The following GRAMD1B variants were observed in gnomAD, a reference collection of about 807,000 sequenced individuals.
The protein encoded by GRAMD1B is protein Aster-B.
In GRAMD1B, 37 loss-of-function variants were observed where a neutral mutation model predicts 99.7. The ratio of observed to expected loss-of-function variants is 0.37; its 90% CI spans 0.29 to 0.49. The LOEUF is 0.49. GRAMD1B is among the 20% of genes least tolerant of loss of function. The pLI, the probability that GRAMD1B is intolerant of heterozygous loss-of-function variation, is 0.98. For missense variants in GRAMD1B, 888 were observed against 1,009.2 expected (o/e 0.88, Z 1.63); for synonymous variants, 427 against 387.6 (o/e 1.10, Z -1.19).
At position 123,520,650 on chromosome 11, in the gene GRAMD1B, G is replaced by A. The variant is rs191405067; in HGVS notation, c.452+39757G>A. On this transcript the variant is annotated intron_variant, in intron 2 of 19. Transcript: ENST00000635736. ...ATAAATTAGCTGGGCATGGTGGTGC[G>A]TGTCTGCAATCCCAGCTATTCAGGA... Among the ~76,000 whole-genome samples the A allele has an allele frequency of 1.4e-4, 21 of 151,240 alleles. No homozygotes were observed. In the Middle Eastern group the frequency reaches 0.01, roughly 74 times the overall value.
At chr11:123,618,940 C>T in intron 18 of GRAMD1B, 140 bp downstream of exon 18, 1 of 704,556 alleles carries the variant, frequency 1.4e-6, no homozygotes, top group South Asian at 1.7e-5. Flanking sequence ...AGAATCTCTC[C>T]CTATAGTTTC....
intron 1 of GRAMD1B, among the ~76,000 whole-genome samples, chr11:123,450,228 G>C (rs1176716334): frequency 1.3e-5 from 2 of 152,160 alleles, no homozygotes; most frequent in Admixed American, 6.5e-5. Context: ...ACCCATAACA[G>C]TTTTGAAGAG....
At chr11:123,596,796 G>C (rs776646016) in intron 7 of GRAMD1B, among the ~76,000 whole-genome samples, 1 of 152,136 alleles carries the variant, frequency 6.6e-6, no homozygotes, top group Non-Finnish European at 1.5e-5. Flanking sequence ...TGGGGCCTCT[G>C]GGGGATCCTG....
At chr11:123,408,822 T>C (rs1947943227) in intron 1 of GRAMD1B, among the ~76,000 whole-genome samples, 1 of 152,258 alleles carries the variant, frequency 6.6e-6, no homozygotes, top group Non-Finnish European at 1.5e-5. Context: ...CTCCTAACGC[T>C]GATGCTGACC....
intron 2 of GRAMD1B, among the ~76,000 whole-genome samples, chr11:123,558,592 T>C (rs1401724404): frequency 6.6e-6 from 1 of 152,210 alleles, no homozygotes; most frequent in Non-Finnish European, 1.5e-5. Flanking sequence ...CAACAAGCAA[T>C]GCAACTCAGT....
chr11:123,576,066 G>A (rs773197192), intron 2 of GRAMD1B, among the ~76,000 whole-genome samples: 1 of 151,846 alleles, frequency 6.6e-6, no homozygotes, highest in Admixed American at 6.6e-5. Flanking sequence ...GCCCACACTC[G>A]CTGGTTTAGG....
chr11:123,554,607 G>C (rs1326504184), intron 2 of GRAMD1B, among the ~76,000 whole-genome samples: 1 of 152,052 alleles, frequency 6.6e-6, no homozygotes, highest in East Asian at 1.9e-4. Flanking sequence ...CTATTCCGGA[G>C]GCTGAGGTGG....
chr11:123,604,395 G>A (rs1952418133), intron 9 of GRAMD1B, among the ~76,000 whole-genome samples: 1 of 152,184 alleles, frequency 6.6e-6, no homozygotes, highest in Non-Finnish European at 1.5e-5. Flanking sequence ...TTCCTATCCT[G>A]GCAGCCACGG....
chr11:123,622,624 G>T lies in GRAMD1B; in HGVS notation c.*29G>T. On this transcript the variant is annotated 3_prime_UTR_variant, in exon 20 of 20. Coordinates refer to ENST00000635736, the MANE Select transcript of GRAMD1B (RefSeq NM_001387025.1). ...GGCAGGAACAGGGTGGCTGCAAGAGGCCTGTGCAATACATGTACATAGACC... is the reference window on the plus strand; with the variant it reads ...GGCAGGAACAGGGTGGCTGCAAGAGTCCTGTGCAATACATGTACATAGACC... 1.9e-6 allele frequency: 2 copies of T among 1,051,886 alleles called. No homozygotes were observed. The allele number at this position is 1,051,886 out of a possible 1,614,324, so 65.2% of individuals were successfully genotyped here. A position where few individuals can be genotyped will look rare whatever the true frequency, so the allele number is the denominator to read the frequency against.
chr11:123,403,287 C>T lies in GRAMD1B; in HGVS notation c.-176+44488C>T, dbSNP rs528985031. Among the ~76,000 whole-genome samples, 37 of 151,588 alleles carry T rather than the reference C, an allele frequency of 2.4e-4. 1 individual carries two copies. The South Asian group carries it at 7.8e-3, about 32-fold the overall frequency. On this transcript the variant is annotated intron_variant, in intron 1 of 20. Coordinates refer to the GRAMD1B transcript ENST00000638157. ...TAAAATTACAAAAAAATTAGCCAGG[C>T]GTGATGGTGCATGCCTGTAGTCCCA...
chr11:123,582,751 G>A (rs1013196541), intron 3 of GRAMD1B, among the ~76,000 whole-genome samples: 2 of 151,764 alleles, frequency 1.3e-5, no homozygotes, highest in African/African-American at 4.8e-5. Flanking sequence ...GGTCATCACC[G>A]CGGGCACACA....
chr11:123,511,768 G>C (rs1941048644), intron 2 of GRAMD1B, among the ~76,000 whole-genome samples: 1 of 152,150 alleles, frequency 6.6e-6, no homozygotes. Context: ...AGGCCCAAGC[G>C]GCAAGTCTGC....
At chr11:123,424,458 C>T (rs1467338677) in intron 1 of GRAMD1B, among the ~76,000 whole-genome samples, 1 of 152,046 alleles carries the variant, frequency 6.6e-6, no homozygotes, top group Non-Finnish European at 1.5e-5. Context: ...ATAGCAAGAC[C>T]CTGTCTCTAA....
chr11:123,460,309 T>C (rs1950350005), intron 1 of GRAMD1B: 1 of 152,144 alleles, frequency 6.6e-6, no homozygotes, highest in Non-Finnish European at 1.5e-5. Context: ...TGAATTATAG[T>C]AGATGAATAT....
rs1053659685 is a variant in GRAMD1B, at chr11:123,598,156, T to C, written c.969+2119T>C. On this transcript the variant is annotated intron_variant, in intron 7 of 19. Transcript: ENST00000635736. ...TGCCCAAACACCTCATGCCATGCCA[T>C]GAGCATGATGCCATTCAGCAAAGTG... The C allele has an allele frequency of 6.4e-6, 10 of 1,553,914 alleles. No individual in the cohort carries two copies. In the African/African-American group the frequency reaches 9.5e-5, roughly 15 times the overall value.
chr11:123,374,852 C>T (rs911794461), intron 1 of GRAMD1B, among the ~76,000 whole-genome samples: 1 of 152,154 alleles, frequency 6.6e-6, no homozygotes, highest in Non-Finnish European at 1.5e-5. Flanking sequence ...TGGCGTCTGT[C>T]TTCCCCAATG....
Position 123,606,795 on chromosome 11 carries a change from G to A in GRAMD1B, c.1510G>A (p.Glu504Lys). ...CAGTGACTCTTCCGACACACACGAT[G>A]AAGGTGGGCATTTGAAAATGGGTCT... is the stretch of plus-strand genomic sequence containing the variant. ...ELSDSSDTHD[E>K]GEVQAFYEDL... The change falls in exon 11 of 20, where the codon GAA (glutamate) becomes AAA (lysine). Residue 504 changes from glutamate (E) to lysine (K), a missense_variant. Glu to Lys is a moderately conservative substitution (Grantham distance 56). Coordinates refer to ENST00000635736, the MANE Select transcript of GRAMD1B (RefSeq NM_001387025.1). The A allele has an allele frequency of 6.2e-7, 1 of 1,613,290 alleles. No individual in the cohort carries two copies. The highest frequency in any genetic ancestry group is 1.3e-5 in the African/African-American group (1 of 75,046).
chr11:123,454,269 A>G (rs1307320177), intron 1 of GRAMD1B: 1 of 152,206 alleles, frequency 6.6e-6, no homozygotes, highest in Non-Finnish European at 1.5e-5. Flanking sequence ...CTTCCTGGTT[A>G]CTTCCTTTGT....
At chr11:123,366,306 G>A (rs1946318949) in intron 1 of GRAMD1B, among the ~76,000 whole-genome samples, 1 of 152,216 alleles carries the variant, frequency 6.6e-6, no homozygotes, top group African/African-American at 2.4e-5. Flanking sequence ...AGGAACAGTA[G>A]GGCTATTTTT....
Sources: gnomAD v4.1 joint callset for allele counts (sites outside exome capture counted in the v4.1 genomes callset) on GRCh38, gnomAD v4.1.1 for gene constraint, MANE v1.5 for transcripts, NCBI Gene and HGNC (gene_info 2026-07-23, HGNC 2026-07-21) for gene names.